KCNQ1: variants seen among roughly 807,000 people sequenced by gnomAD.
KCNQ1 encodes potassium voltage-gated channel subfamily KQT member 1.
In KCNQ1, 49 loss-of-function variants were observed where a neutral mutation model predicts 72.4. The observed-to-expected ratio is 0.68, with a 90% confidence interval of 0.54 to 0.86. The LOEUF is 0.86. Among genes scored for constraint, KCNQ1 ranks in the 40% least tolerant of loss-of-function variants. KCNQ1 has a pLI of 0.00. For synonymous variants in KCNQ1, 450 were observed against 412.6 expected (o/e 1.09, Z -1.10); for missense variants, 790 against 945.1 (o/e 0.84, Z 2.15).
rs917797496 is a variant in KCNQ1 at position 2,614,757 on chromosome 11, C to T, written c.1393+25903C>T. On this transcript the variant is annotated intron_variant, in intron 10 of 15. Coordinates refer to ENST00000155840, the MANE Select transcript of KCNQ1 (RefSeq NM_000218.3). ...TATGTCCATCCTTGTGTCCTAGAGA[C>T]CACATTGTGTCAGTACCACATTGTT... 2.0e-5 allele frequency: 8 copies of T among 398,258 alleles called. No individual in the cohort carries two copies. In the Admixed American group the frequency reaches 3.5e-4, roughly 18 times the overall value. The allele number at this position is 398,258 out of a possible 1,614,324, so 24.7% of individuals were successfully genotyped here.
chr11:2,531,722 C>A (rs1847636710), intron 2 of KCNQ1, among the ~76,000 whole-genome samples: 1 of 152,216 alleles, frequency 6.6e-6, no homozygotes. Context: ...CCCTTGCAGT[C>A]CCCTCTGCCT....
Position 2,478,721 on chromosome 11 carries a change from C to G in KCNQ1, c.386+33237C>G, listed in dbSNP as rs940374248. On this transcript the variant is annotated intron_variant, in intron 1 of 15. Transcript: ENST00000155840. The surrounding 1 kb of genome is among the most constrained non-coding windows in gnomAD (Gnocchi z 4.0). Reference sequence around the variant, plus strand: ...CATTCCACCCCGGCCCCTCCCTAATCTCATGTCCTCACATTTCAAAACCAA... The same window carrying G: ...CATTCCACCCCGGCCCCTCCCTAATGTCATGTCCTCACATTTCAAAACCAA... Among the ~76,000 whole-genome samples the G allele has an allele frequency of 1.6e-4, 25 of 152,152 alleles. No homozygotes were observed. The highest frequency in any genetic ancestry group is 2.0e-4 in the Admixed American group (3 of 15,264).
rs951200675 is a variant in KCNQ1, at chr11:2,479,029, A to G, written c.386+33545A>G. Among the ~76,000 whole-genome samples, 2 of 152,144 alleles carry G rather than the reference A, an allele frequency of 1.3e-5. No individual in the cohort carries two copies. Among genetic ancestry groups the G allele is most frequent in the African/African-American group, 4.8e-5 (2 of 41,438 alleles). Reference sequence around the variant, plus strand: ...ATCTTAATGCTCCAAAATGATCTCCATTGACTCCATGTCTCACATCTAGGT... The same window carrying G: ...ATCTTAATGCTCCAAAATGATCTCCGTTGACTCCATGTCTCACATCTAGGT... On this transcript the variant is annotated intron_variant, in intron 1 of 15. Coordinates refer to ENST00000155840, the MANE Select transcript of KCNQ1 (RefSeq NM_000218.3). The surrounding 1 kb of genome is among the most constrained non-coding windows in gnomAD (Gnocchi z 4.6).
In KCNQ1 at chr11:2,734,971, T is replaced by A. The variant is rs570277296; in HGVS notation, c.1515-33873T>A. Among the ~76,000 whole-genome samples the A allele has an allele frequency of 5.4e-5, 8 of 147,698 alleles. No homozygotes were observed. The East Asian group carries it at 1.8e-3, about 33-fold the overall frequency. On this transcript the variant is annotated intron_variant, in intron 11 of 15. Coordinates refer to ENST00000155840, the MANE Select transcript of KCNQ1 (RefSeq NM_000218.3). This position sits in a 1 kb window ranked among gnomAD's most constrained non-coding sequence, Gnocchi z 7.0. Reference sequence around the variant, plus strand: ...ACACATGTGCCCCGGAGTGGCCGCGTGCCCAGCCGGCTGTGCACGCTGCCC... The same window carrying A: ...ACACATGTGCCCCGGAGTGGCCGCGAGCCCAGCCGGCTGTGCACGCTGCCC...
intron 10 of KCNQ1, chr11:2,633,183 A>G (rs1849391484): frequency 2.5e-6 from 1 of 398,464 alleles, no homozygotes; most frequent in Non-Finnish European, 4.4e-6. Flanking sequence ...GCATTTTTTC[A>G]CATACCTGTT....
chr11:2,527,377 G>C (rs910267749), intron 1 of KCNQ1, among the ~76,000 whole-genome samples: 1 of 152,188 alleles, frequency 6.6e-6, no homozygotes, highest in African/African-American at 2.4e-5. Context: ...CCTGGACAGG[G>C]GGCGTTGACT....
chr11:2,728,885 G>T (rs1427626302), intron 11 of KCNQ1, among the ~76,000 whole-genome samples: 2 of 152,244 alleles, frequency 1.3e-5, no homozygotes, highest in Non-Finnish European at 2.9e-5. Context: ...AGAAACTTCT[G>T]TGCAGTCAGG....
Position 2,657,532 on chromosome 11 carries a change from CCCACAT to C in KCNQ1, c.1394-4426_1394-4421del, listed in dbSNP as rs1849871346. 2.5e-6 allele frequency: 1 copy of C among 398,438 alleles called. No individual in the cohort carries two copies. Among genetic ancestry groups the C allele is most frequent in the African/African-American group, 2.1e-5 (1 of 48,618 alleles). The allele number at this position is 398,438 out of a possible 1,614,324, so 24.7% of individuals were successfully genotyped here. ...AGAGAAACAAAAATAGTACCGAGTA[CCCACAT>C]CCCTTTCACCAGCTTCCCCTAATGT... is the stretch of plus-strand genomic sequence containing the variant. On this transcript the variant is annotated intron_variant, in intron 10 of 15. Coordinates refer to ENST00000155840, the MANE Select transcript of KCNQ1 (RefSeq NM_000218.3). This position sits in a 1 kb window ranked among gnomAD's most constrained non-coding sequence, Gnocchi z 4.8.
rs909789896 is a variant in KCNQ1, at chr11:2,618,960, A to C, written c.1393+30106A>C. ...TATCATAAATGGGATTGTTTTCTTG[A>C]TTTCTTTTTTGGCCAGGTCATTATT... On this transcript the variant is annotated intron_variant, in intron 10 of 15. Transcript: ENST00000155840. The C allele has an allele frequency of 1.5e-5, 6 of 397,816 alleles. No individual in the cohort carries two copies. The South Asian group carries it at 5.1e-4, about 34-fold the overall frequency. The allele number at this position is 397,816 out of a possible 1,614,324, so 24.6% of individuals were successfully genotyped here. A position where few individuals can be genotyped will look rare whatever the true frequency, so the allele number is the denominator to read the frequency against.
rs1246294863 is a variant in KCNQ1 at position 2,446,237 on chromosome 11, G to A, written c.386+753G>A. 1.3e-5 allele frequency among the ~76,000 whole-genome samples: 2 copies of A among 152,100 alleles called. No homozygotes were observed. Among genetic ancestry groups the A allele is most frequent in the African/African-American group, 2.4e-5 (1 of 41,432 alleles). On this transcript the variant is annotated intron_variant, in intron 1 of 15. Transcript: ENST00000155840. This position sits in a 1 kb window ranked among gnomAD's most constrained non-coding sequence, Gnocchi z 8.8. ...TGGGCACTGGATTTCTCAGGGACAG[G>A]CCTGGGAAGTCACCTCCGGGAAGGT...
chr11:2,528,486 G>A (rs1847549055), intron 2 of KCNQ1, among the ~76,000 whole-genome samples: 1 of 152,238 alleles, frequency 6.6e-6, no homozygotes, highest in African/African-American at 2.4e-5. Flanking sequence ...CGGTGTCTGT[G>A]CCATTTCTGC....
At position 2,497,272 on chromosome 11, in the gene KCNQ1, T is replaced by G. The variant is rs536305049; in HGVS notation, c.387-30656T>G. On this transcript the variant is annotated intron_variant, in intron 1 of 15. Transcript: ENST00000155840. This position sits in a 1 kb window ranked among gnomAD's most constrained non-coding sequence, Gnocchi z 4.5. ...TCCTGAAGTGTGTTTTCCAACTTGGTTCCATTCTCCCCGTCACTTTCAGGT... is the reference window on the plus strand; with the variant it reads ...TCCTGAAGTGTGTTTTCCAACTTGGGTCCATTCTCCCCGTCACTTTCAGGT... 6.6e-6 allele frequency among the ~76,000 whole-genome samples: 1 copy of G among 152,332 alleles called. No individual in the cohort carries two copies. Among genetic ancestry groups the G allele is most frequent in the African/African-American group, 2.4e-5 (1 of 41,588 alleles).
intron 11 of KCNQ1, among the ~76,000 whole-genome samples, chr11:2,732,834 G>A (rs1048497460): frequency 6.6e-6 from 1 of 152,056 alleles, no homozygotes; most frequent in Non-Finnish European, 1.5e-5. Flanking sequence ...CTGGGGCCCA[G>A]GGAGGGGACC....
intron 11 of KCNQ1, among the ~76,000 whole-genome samples, chr11:2,749,628 T>G (rs935045972): frequency 2.2e-5 from 3 of 133,498 alleles, no homozygotes; most frequent in Admixed American, 7.9e-5. Flanking sequence ...AAACCCTGTC[T>G]CTACTAAAAA....
intron 2 of KCNQ1, among the ~76,000 whole-genome samples, chr11:2,551,799 G>T (rs1203087573): frequency 2.6e-5 from 4 of 152,238 alleles, no homozygotes; most frequent in Admixed American, 2.6e-4. Flanking sequence ...CCATCCTAAA[G>T]GCTGGAGCCA....
Position 2,677,720 on chromosome 11 carries a change from C to G in KCNQ1, c.1514+15639C>G, listed in dbSNP as rs958474177. On this transcript the variant is annotated intron_variant, in intron 11 of 15. Transcript: ENST00000155840. This position sits in a 1 kb window ranked among gnomAD's most constrained non-coding sequence, Gnocchi z 4.5. ...AAATTAACTTCCCAATCAAATATCT[C>G]TATTGTAAAATTTTGGTCTCCGTTT... 2.5e-6 allele frequency: 1 copy of G among 398,392 alleles called. No homozygotes were observed. Among genetic ancestry groups the G allele is most frequent in the Non-Finnish European group, 4.4e-6 (1 of 226,032 alleles). 24.7% of individuals were successfully genotyped at this position (398,392 alleles called of 1,614,324 possible).
chr11:2,564,573 C>T lies in KCNQ1; in HGVS notation c.478-6055C>T, dbSNP rs952656848. Among the ~76,000 whole-genome samples, 6 of 152,202 alleles carry T rather than the reference C, an allele frequency of 3.9e-5. No homozygotes were observed. The highest frequency in any genetic ancestry group is 1.4e-4 in the African/African-American group (6 of 41,444). On this transcript the variant is annotated intron_variant, in intron 2 of 15. Coordinates refer to ENST00000155840, the MANE Select transcript of KCNQ1 (RefSeq NM_000218.3). The surrounding 1 kb of genome is among the most constrained non-coding windows in gnomAD (Gnocchi z 4.5). Reference sequence around the variant, plus strand: ...TGGTGCCACTGCACTCCTGCCTGGGCAACAGAGCAAGACTCTATCTCAAAA... The same window carrying T: ...TGGTGCCACTGCACTCCTGCCTGGGTAACAGAGCAAGACTCTATCTCAAAA...
At chr11:2,839,193 A>G (rs1207963073) in intron 15 of KCNQ1, among the ~76,000 whole-genome samples, 2 of 151,882 alleles carry the variant, frequency 1.3e-5, no homozygotes, top group African/African-American at 2.4e-5. Flanking sequence ...CCTGCCTGGC[A>G]GTGAGGCAGC....
rs1293227298 is a variant in KCNQ1 at position 2,669,849 on chromosome 11, T to C, written c.1514+7768T>C. On this transcript the variant is annotated intron_variant, in intron 11 of 15. Coordinates refer to ENST00000155840, the MANE Select transcript of KCNQ1 (RefSeq NM_000218.3). This position sits in a 1 kb window ranked among gnomAD's most constrained non-coding sequence, Gnocchi z 5.6. ...GTCATGAGTTACCATGGGATACAAA[T>C]GGGGTCACAACATATGGCTGTCAGC... The C allele has an allele frequency of 2.5e-6, 1 of 398,508 alleles. No homozygotes were observed. Among genetic ancestry groups the C allele is most frequent in the East Asian group, 3.6e-5 (1 of 28,076 alleles). 24.7% of individuals were successfully genotyped at this position (398,508 alleles called of 1,614,324 possible).
Sources: allele counts gnomAD v4.1 joint callset (sites outside exome capture counted in the v4.1 genomes callset), GRCh38; gene constraint gnomAD v4.1.1; non-coding constraint Gnocchi (gnomAD v3.1); transcripts MANE v1.5; gene names NCBI Gene and HGNC (gene_info 2026-07-23, HGNC 2026-07-21).